OPA3: variants seen among roughly 807,000 people sequenced by gnomAD.
OPA3 encodes outer mitochondrial membrane lipid metabolism regulator OPA3, also known as optic atrophy 3 protein.
Under a neutral mutation model 4.0 loss-of-function variants are expected in OPA3, and 6 were observed. The ratio of observed to expected loss-of-function variants is 1.51; its 90% CI spans 0.83 to 2.99. The LOEUF is 2.99. Among genes scored for constraint, OPA3 ranks in the 30% most tolerant of loss-of-function variants. The pLI is 0.00. For synonymous variants in OPA3, 105 were observed against 117.1 expected, an observed-to-expected ratio of 0.90 and a Z score of 0.67; for missense variants, 235 against 256.2, an observed-to-expected ratio of 0.92 and a Z score of 0.56.
rs1969322113 is a variant in OPA3, at chr19:45,550,850, C to G, written c.*2664G>C. On this transcript the variant is annotated 3_prime_UTR_variant, in exon 2 of 2. Coordinates refer to ENST00000263275, the MANE Select transcript of OPA3 (RefSeq NM_025136.4). ...TGCAGGCTACTGGGACCCACCCCCTCCCGCTTCAGTGGCAGATCCTGGAAG... is the reference window on the plus strand; with the variant it reads ...TGCAGGCTACTGGGACCCACCCCCTGCCGCTTCAGTGGCAGATCCTGGAAG... 1.0e-6 allele frequency: 1 copy of G among 986,000 alleles called. No individual in the cohort carries two copies. Among genetic ancestry groups the G allele is most frequent in the African/African-American group, 1.7e-5 (1 of 57,238 alleles). 61.1% of individuals were successfully genotyped at this position (986,000 alleles called of 1,614,324 possible). A position where few individuals can be genotyped will look rare whatever the true frequency, so the allele number is the denominator to read the frequency against.
chr19:45,545,013 A>C (rs151292336), downstream of OPA3, among the ~76,000 whole-genome samples: 7 of 149,698 alleles, frequency 4.7e-5, no homozygotes, highest in Non-Finnish European at 1.0e-4. Context: ...CAAAAAACAA[A>C]AATTAGCCAG....
chr19:45,541,506 G>T (rs1037287921), downstream of OPA3, among the ~76,000 whole-genome samples: 3 of 152,104 alleles, frequency 2.0e-5, no homozygotes, highest in Non-Finnish European at 4.4e-5. Flanking sequence ...AGAAGTTTGA[G>T]ACTAGCCTGG....
At chr19:45,575,328 T>C (rs1218230422) in intron 1 of OPA3, among the ~76,000 whole-genome samples, 1 of 152,122 alleles carries the variant, frequency 6.6e-6, no homozygotes, top group Non-Finnish European at 1.5e-5. Context: ...TGGCCTGAAG[T>C]GATCCACCCA....
chr19:45,529,566 A>T (rs540115623), intron 1 of OPA3: 1 of 1,358,572 alleles, frequency 7.4e-7, no homozygotes. Context: ...GGTCACCACA[A>T]TCGGACGCGT....
At chr19:45,571,034 A>C (rs10404512) in intron 1 of OPA3, among the ~76,000 whole-genome samples, 2 of 144,976 alleles carry the variant, frequency 1.4e-5, no homozygotes, top group Non-Finnish European at 1.5e-5. Context: ...TGTTCGTTTC[A>C]TCCCTCTAAT....
rs570533596 is a variant in OPA3 at position 45,546,764 on chromosome 19, C to T, written c.*6750G>A. 1 of 152,154 alleles carries T rather than the reference C, an allele frequency of 6.6e-6. No homozygotes were observed. Among genetic ancestry groups the T allele is most frequent in the Non-Finnish European group, 1.5e-5 (1 of 68,034 alleles). 9.4% of individuals were successfully genotyped at this position (152,154 alleles called of 1,614,324 possible). A position where few individuals can be genotyped will look rare whatever the true frequency, so the allele number is the denominator to read the frequency against. On this transcript the variant is annotated 3_prime_UTR_variant, in exon 2 of 2. Coordinates refer to ENST00000263275, the MANE Select transcript of OPA3 (RefSeq NM_025136.4). ...CACTGCAACGTCCACCTCCTGGGCT[C>T]AAGCAATTCTCCTATGTCAGCCTCT...
chr19:45,530,337 G>C lies in OPA3; in HGVS notation c.143-881C>G, dbSNP rs555696276. On this transcript the variant is annotated intron_variant, in intron 1 of 1. Transcript: ENST00000323060. ...CCACTGTACTCCAGCCTGGGAGACA[G>C]AGCGAGACTCCATCTCAAAAAAAAA... 5.8e-4 allele frequency among the ~76,000 whole-genome samples: 88 copies of C among 152,050 alleles called. 1 individual carries two copies. The highest frequency in any genetic ancestry group is 3.4e-4 in the Non-Finnish European group (23 of 67,994).
Position 45,546,498 on chromosome 19 carries a change from G to GT in OPA3, c.*7015_*7016insA, listed in dbSNP as rs1568399288. The GT allele has an allele frequency of 9.5e-4, 557 of 586,548 alleles. No individual in the cohort carries two copies. The highest frequency in any genetic ancestry group is 2.1e-3 in the East Asian group (14 of 6,628). The allele number at this position is 586,548 out of a possible 1,614,324, so 36.3% of individuals were successfully genotyped here. On this transcript the variant is annotated 3_prime_UTR_variant, in exon 2 of 2. Transcript: ENST00000263275. ...GCACACGATGGATTACATAAACTCT[G>GT]CTTTTTTTTTTTTTTGAGACAGGGT...
exon 2 of OPA3, chr19:45,527,761 A>C (rs1411014655): frequency 6.6e-6 from 1 of 152,160 alleles, no homozygotes; most frequent in African/African-American, 2.4e-5. Context: ...GTTCTCAGAC[A>C]CGTTCTTAAG....
Position 45,550,550 on chromosome 19 carries a change from A to C in OPA3, c.*2964T>G. On this transcript the variant is annotated 3_prime_UTR_variant, in exon 2 of 2. Transcript: ENST00000263275. ...GCAGCTGGGGTAATCCAAGCCTCTCACTCTGCCCCTACTACTTCACCACCC... is the reference window on the plus strand; with the variant it reads ...GCAGCTGGGGTAATCCAAGCCTCTCCCTCTGCCCCTACTACTTCACCACCC... 1 of 986,076 alleles carries C rather than the reference A, an allele frequency of 1.0e-6. No homozygotes were observed. Among genetic ancestry groups the C allele is most frequent in the Non-Finnish European group, 1.2e-6 (1 of 830,774 alleles). 61.1% of individuals were successfully genotyped at this position (986,076 alleles called of 1,614,324 possible). A position where few individuals can be genotyped will look rare whatever the true frequency, so the allele number is the denominator to read the frequency against.
rs369404204 is a variant in OPA3, at chr19:45,580,106, T to C, written c.142+4517A>G. 1.2e-3 allele frequency among the ~76,000 whole-genome samples: 183 copies of C among 148,722 alleles called. 6 individuals carry two copies. The East Asian group carries it at 0.028, about 23-fold the overall frequency. ...CCGCCTCCCATGTTCAAGTGATTCT[T>C]CTGCCTCAGCCTCCCGAGTAGCTGG... On this transcript the variant is annotated intron_variant, in intron 1 of 1. Transcript: ENST00000263275.
chr19:45,536,399 T>C (rs998091689), intron 1 of OPA3, among the ~76,000 whole-genome samples: 2 of 151,694 alleles, frequency 1.3e-5, no homozygotes, highest in Non-Finnish European at 2.9e-5. Flanking sequence ...CAACAAAAAA[T>C]TAGCCAGGCA....
At chr19:45,563,049 C>G (rs867972673) in intron 1 of OPA3, among the ~76,000 whole-genome samples, 1 of 152,208 alleles carries the variant, frequency 6.6e-6, no homozygotes, top group Non-Finnish European at 1.5e-5. Context: ...TAAATCCTTG[C>G]ACACCCTGGA....
At chr19:45,558,324 CTG>C (rs530467864) in intron 1 of OPA3, among the ~76,000 whole-genome samples, 19 of 152,194 alleles carry the variant, frequency 1.2e-4, no homozygotes, top group Admixed American at 9.8e-4. Flanking sequence ...AAGAGCAAGA[CTG>C]TCTCAAAAAA....
chr19:45,577,628 G>A (rs1434782204), intron 1 of OPA3, among the ~76,000 whole-genome samples: 1 of 152,170 alleles, frequency 6.6e-6, no homozygotes, highest in East Asian at 1.9e-4. Context: ...CAAATCTACT[G>A]GTTATTCATT....
In OPA3 at chr19:45,549,640, C is replaced by T. The variant is rs62109650; in HGVS notation, c.*3874G>A. 0.25 allele frequency: 199,877 copies of T among 784,724 alleles called. 27,455 individuals carry two copies. The highest frequency in any genetic ancestry group is 0.28 in the Non-Finnish European group (179,048 of 646,876). 48.6% of individuals were successfully genotyped at this position (784,724 alleles called of 1,614,324 possible). Reference sequence around the variant, plus strand: ...GGATTCAGGAATGTGCCAACATGCCCGGCTAATTTTTGTATTTTTAGTAGA... The same window carrying T: ...GGATTCAGGAATGTGCCAACATGCCTGGCTAATTTTTGTATTTTTAGTAGA... On this transcript the variant is annotated 3_prime_UTR_variant, in exon 2 of 2. Coordinates refer to ENST00000263275, the MANE Select transcript of OPA3 (RefSeq NM_025136.4).
chr19:45,554,693 G>C (rs1304094708), intron 1 of OPA3, among the ~76,000 whole-genome samples: 1 of 152,206 alleles, frequency 6.6e-6, no homozygotes, highest in African/African-American at 2.4e-5. Context: ...AAACCACAGA[G>C]GGAACCCTTG....
intron 1 of OPA3, among the ~76,000 whole-genome samples, chr19:45,574,239 A>G (rs1350150486): frequency 6.6e-6 from 1 of 151,474 alleles, no homozygotes. Flanking sequence ...TAAAAATACA[A>G]AAAATATTAG....
At chr19:45,538,694 G>A (rs1969149481) in intron 1 of OPA3, among the ~76,000 whole-genome samples, 1 of 149,910 alleles carries the variant, frequency 6.7e-6, no homozygotes, top group Non-Finnish European at 1.5e-5. Context: ...TTGCACTCCA[G>A]CCTGGGCAAA....
Sources: allele counts gnomAD v4.1 joint callset (sites outside exome capture counted in the v4.1 genomes callset), GRCh38; gene constraint gnomAD v4.1.1; transcripts MANE v1.5; gene names NCBI Gene and HGNC (gene_info 2026-07-23, HGNC 2026-07-21).